ZFHX3: variants seen among roughly 807,000 people sequenced by gnomAD.
ZFHX3 encodes the protein zinc finger homeobox protein 3.
A neutral mutation model predicts 279.1 loss-of-function variants in ZFHX3; 42 were observed. That is an observed-to-expected ratio of 0.15 (90% CI 0.12 to 0.19). ZFHX3 has a LOEUF of 0.19. ZFHX3 is among the 10% of genes least tolerant of loss of function. The pLI is 1.00. For missense variants in ZFHX3, 4,981 were observed against 4,754.0 expected, an observed-to-expected ratio of 1.05 and a Z score of -1.40; for synonymous variants, 2,293 against 1,957.8, an observed-to-expected ratio of 1.17 and a Z score of -4.52.
At chr16:73,334,117 G>T (rs934016955) in intron 3 of ZFHX3, among the ~76,000 whole-genome samples, 1 of 152,192 alleles carries the variant, frequency 6.6e-6, no homozygotes, top group East Asian at 1.9e-4. Context: ...GGACAGGAAG[G>T]TCTGCCCCAA....
intron 1 of ZFHX3, among the ~76,000 whole-genome samples, chr16:73,855,817 G>A (rs887520165): frequency 6.6e-6 from 1 of 152,126 alleles, no homozygotes; most frequent in African/African-American, 2.4e-5. Context: ...ATTCAGCAAA[G>A]GCATCCCAAA....
intron 1 of ZFHX3, among the ~76,000 whole-genome samples, chr16:73,749,325 G>A (rs776277472): frequency 2.0e-4 from 30 of 149,492 alleles, no homozygotes; most frequent in Admixed American, 5.3e-4. Context: ...CGATAATATC[G>A]CAACCACCAG....
At chr16:72,825,381 C>A (rs980124328) in intron 5 of ZFHX3, among the ~76,000 whole-genome samples, 18 of 152,212 alleles carry the variant, frequency 1.2e-4, no homozygotes, top group African/African-American at 4.1e-4. Flanking sequence ...ATCTAATGAT[C>A]AAACTGAAAA....
At chr16:73,085,646 T>C (rs1966002224) in intron 8 of ZFHX3, among the ~76,000 whole-genome samples, 2 of 152,192 alleles carry the variant, frequency 1.3e-5, no homozygotes, top group African/African-American at 2.4e-5. Context: ...AGCATAAAGC[T>C]AGACCCCTAT....
intron 3 of ZFHX3, chr16:73,420,995 G>A (rs974759735): frequency 1.3e-5 from 2 of 152,128 alleles, no homozygotes; most frequent in East Asian, 1.9e-4. Context: ...ACTCCATAAC[G>A]TAGTATAAAC....
intron 1 of ZFHX3, among the ~76,000 whole-genome samples, chr16:72,975,697 T>C (rs1300117715): frequency 6.6e-6 from 1 of 152,146 alleles, no homozygotes; most frequent in East Asian, 1.9e-4. Flanking sequence ...AGTGTAAGGA[T>C]CCAAGAGCTC....
chr16:73,879,446 A>C (rs977516817), intron 1 of ZFHX3, among the ~76,000 whole-genome samples: 7 of 152,126 alleles, frequency 4.6e-5, no homozygotes, highest in African/African-American at 1.7e-4. Flanking sequence ...TTCCACCGGC[A>C]TGTCCTTTGC....
At chr16:73,342,339 G>T (rs2016047723) in intron 3 of ZFHX3, among the ~76,000 whole-genome samples, 1 of 152,174 alleles carries the variant, frequency 6.6e-6, no homozygotes, top group East Asian at 1.9e-4. Flanking sequence ...TTATCCTGAA[G>T]ACACCTGTCC....
chr16:73,254,944 C>A (rs1006974662), intron 5 of ZFHX3, among the ~76,000 whole-genome samples: 2 of 152,126 alleles, frequency 1.3e-5, no homozygotes, highest in Non-Finnish European at 2.9e-5. Context: ...TCCATCCATC[C>A]ATCCACCCAT....
chr16:72,849,769 G>T (rs899710930), intron 4 of ZFHX3, among the ~76,000 whole-genome samples: 15 of 148,432 alleles, frequency 1.0e-4, no homozygotes, highest in Non-Finnish European at 8.9e-5. Context: ...TCGAGAGTAG[G>T]AGACAGAGCC....
At chr16:72,947,877 T>C (rs570691051) in intron 3 of ZFHX3, among the ~76,000 whole-genome samples, 2 of 152,284 alleles carry the variant, frequency 1.3e-5, no homozygotes, top group South Asian at 2.1e-4. Flanking sequence ...ATGGATTACA[T>C]TAGCAAGAGG....
At chr16:73,503,325 C>T (rs752153227) in intron 2 of ZFHX3, among the ~76,000 whole-genome samples, 24 of 152,184 alleles carry the variant, frequency 1.6e-4, no homozygotes, top group South Asian at 2.1e-4. Context: ...TATCTGTCTC[C>T]GAGGATGTCT....
chr16:73,170,334 G>A (rs1243807165), intron 5 of ZFHX3, among the ~76,000 whole-genome samples: 1 of 138,310 alleles, frequency 7.2e-6, no homozygotes, highest in Non-Finnish European at 1.5e-5. Flanking sequence ...GGGTTCAAAC[G>A]ATTCTCATGC....
intron 1 of ZFHX3, among the ~76,000 whole-genome samples, chr16:73,847,039 C>T (rs147610158): frequency 1.2e-4 from 18 of 152,284 alleles, no homozygotes; most frequent in East Asian, 3.9e-4. Context: ...CAGTGGCTCA[C>T]GCCTGTAATC....
intron 8 of ZFHX3, chr16:73,092,989 A>G (rs1966107043): frequency 1.9e-6 from 1 of 519,954 alleles, no homozygotes; most frequent in Admixed American, 1.9e-5. Context: ...CCTGGAGGTG[A>G]AATCCCTTCT....
At chr16:73,371,445 C>T (rs577661627) in intron 3 of ZFHX3, among the ~76,000 whole-genome samples, 25 of 151,874 alleles carry the variant, frequency 1.6e-4, no homozygotes, top group South Asian at 8.3e-4. Context: ...AGTGCAGTGG[C>T]GCCAACTCGG....
rs1457101380 is a variant in ZFHX3, at chr16:73,784,799, A to G, written c.-1607-104559T>C. On this transcript the variant is annotated intron_variant, in intron 1 of 17. Transcript: ENST00000641206. ...TTTTTAACAAAATAAAAAAAAAAAT[A>G]TATATATATATATATATACACACAC... Among the ~76,000 whole-genome samples, 4 of 118,674 alleles carry G rather than the reference A, an allele frequency of 3.4e-5. No individual in the cohort carries two copies. The East Asian group carries it at 8.4e-4, about 25-fold the overall frequency. 77.9% of individuals were successfully genotyped at this position (118,674 alleles called of 152,430 possible). A position where few individuals can be genotyped will look rare whatever the true frequency, so the allele number is the denominator to read the frequency against.
chr16:73,154,671 A>G (rs1465241011), intron 5 of ZFHX3, among the ~76,000 whole-genome samples: 2 of 152,228 alleles, frequency 1.3e-5, no homozygotes, highest in African/African-American at 2.4e-5. Flanking sequence ...TTACTATGGT[A>G]ATTTGAGGCT....
intron 1 of ZFHX3, among the ~76,000 whole-genome samples, chr16:73,781,271 A>G (rs940097264): frequency 3.9e-5 from 6 of 152,218 alleles, no homozygotes; most frequent in Admixed American, 2.0e-4. Flanking sequence ...TCAGAATTTT[A>G]CCTGAAGGCC....
Sources: allele counts gnomAD v4.1 joint callset (sites outside exome capture counted in the v4.1 genomes callset), GRCh38; gene constraint gnomAD v4.1.1; transcripts MANE v1.5; gene names NCBI Gene and HGNC (gene_info 2026-07-23, HGNC 2026-07-21).